SOX5: variants seen among roughly 807,000 people sequenced by gnomAD.
SOX5 encodes the protein transcription factor SOX-5.
A neutral mutation model predicts 92.0 loss-of-function variants in SOX5; 9 were observed. The observed-to-expected ratio is 0.10, with a 90% CI of 0.06 to 0.17. The LOEUF is 0.17. Among genes scored for constraint, SOX5 ranks in the 10% least tolerant of loss-of-function variants. The pLI is 1.00. For synonymous variants in SOX5, 344 were observed against 336.3 expected (o/e 1.02, Z -0.25); for missense variants, 642 against 944.5 (o/e 0.68, Z 4.20).
intron 2 of SOX5, among the ~76,000 whole-genome samples, chr12:24,309,895 T>C (rs1949001880): frequency 6.6e-6 from 1 of 152,178 alleles, no homozygotes; most frequent in Non-Finnish European, 1.5e-5. Flanking sequence ...GTTCCAGTAG[T>C]TGATTCAGAA....
intron 3 of SOX5, among the ~76,000 whole-genome samples, chr12:23,781,754 A>T (rs1452064940): frequency 6.6e-6 from 1 of 152,028 alleles, no homozygotes; most frequent in African/African-American, 2.4e-5. Context: ...TTTAGAACAC[A>T]ATCAGTCTTT....
intron 3 of SOX5, among the ~76,000 whole-genome samples, chr12:24,275,311 T>C (rs1223507899): frequency 6.6e-6 from 1 of 152,046 alleles, no homozygotes; most frequent in Non-Finnish European, 1.5e-5. Flanking sequence ...AATTTTTCTG[T>C]GTTTGTAATA....
chr12:24,151,724 T>C (rs1207371383), intron 4 of SOX5, among the ~76,000 whole-genome samples: 1 of 152,178 alleles, frequency 6.6e-6, no homozygotes, highest in East Asian at 1.9e-4. Context: ...GTTACTGCTA[T>C]GCCCTCAAGC....
At chr12:23,676,974 T>C (rs763417895) in intron 6 of SOX5, among the ~76,000 whole-genome samples, 3 of 152,218 alleles carry the variant, frequency 2.0e-5, no homozygotes, top group Non-Finnish European at 2.9e-5. Context: ...AAATGCTCAT[T>C]ATTTCTTCAC....
chr12:23,561,548 C>T (rs942400070), intron 11 of SOX5, among the ~76,000 whole-genome samples: 5 of 152,106 alleles, frequency 3.3e-5, no homozygotes, highest in Non-Finnish European at 7.4e-5. Flanking sequence ...TTATTGCCCT[C>T]CGATGTGAAT....
At chr12:24,258,037 G>T (rs1941501641) in intron 3 of SOX5, among the ~76,000 whole-genome samples, 1 of 152,098 alleles carries the variant, frequency 6.6e-6, no homozygotes, top group Non-Finnish European at 1.5e-5. Flanking sequence ...GCTGGGCGCG[G>T]TGGCGGGCAC....
At chr12:24,113,255 TAAAAAAAA>T (rs10717747) in intron 4 of SOX5, among the ~76,000 whole-genome samples, 1 of 118,186 alleles carries the variant, frequency 8.5e-6, no homozygotes, top group Non-Finnish European at 1.7e-5. Context: ...TGTAGAATCA[TAAAAAAAA>T]AAAAAAAAAA....
At chr12:24,341,961 C>T (rs552916837) in intron 2 of SOX5, among the ~76,000 whole-genome samples, 1 of 152,316 alleles carries the variant, frequency 6.6e-6, no homozygotes, top group South Asian at 2.1e-4. Flanking sequence ...TCCATCTTAA[C>T]TAATCCCCAG....
chr12:23,604,638 C>T (rs1452571582), intron 8 of SOX5, 105 bp from the exon 9 acceptor site: 1 of 1,138,058 alleles, frequency 8.8e-7, no homozygotes, highest in African/African-American at 1.5e-5. Context: ...TTCCTATGAG[C>T]ATTTTGTTTA....
intron 3 of SOX5, among the ~76,000 whole-genome samples, chr12:24,250,166 A>G (rs1939747463): frequency 6.6e-6 from 1 of 152,240 alleles, no homozygotes; most frequent in East Asian, 1.9e-4. Context: ...AAGAGTTGCT[A>G]CTACTACAAT....
At chr12:23,958,783 G>C (rs1002250363) in intron 4 of SOX5, among the ~76,000 whole-genome samples, 1 of 150,532 alleles carries the variant, frequency 6.6e-6, no homozygotes, top group Non-Finnish European at 1.5e-5. Context: ...TGAGAATTTA[G>C]AATTAATTTG....
At chr12:24,238,946 G>T (rs1049252665) in intron 3 of SOX5, among the ~76,000 whole-genome samples, 2 of 152,132 alleles carry the variant, frequency 1.3e-5, no homozygotes, top group African/African-American at 4.8e-5. Flanking sequence ...TTTCCCAATT[G>T]TTCATTACCG....
intron 4 of SOX5, among the ~76,000 whole-genome samples, chr12:24,067,863 G>A (rs929281615): frequency 4.6e-5 from 7 of 152,192 alleles, no homozygotes; most frequent in Admixed American, 2.0e-4. Flanking sequence ...CTTCAAGGGA[G>A]GCCAGGTGCG....
intron 4 of SOX5, among the ~76,000 whole-genome samples, chr12:24,037,567 G>A (rs962685841): frequency 2.0e-5 from 3 of 152,118 alleles, no homozygotes; most frequent in African/African-American, 7.2e-5. Context: ...AGTGGGTAAG[G>A]AGACTGGCAA....
intron 4 of SOX5, among the ~76,000 whole-genome samples, chr12:24,106,153 A>G (rs1010302393): frequency 3.3e-5 from 5 of 151,998 alleles, no homozygotes. Context: ...ATGAGAGACT[A>G]TATTTGCAAT....
At chr12:23,890,080 GA>G (rs780244837) in intron 2 of SOX5, among the ~76,000 whole-genome samples, 4 of 152,160 alleles carry the variant, frequency 2.6e-5, no homozygotes, top group African/African-American at 2.4e-5. Flanking sequence ...AGCACATTGG[GA>G]GGGCAAGGCG....
chr12:23,581,893 A>T (rs1057135923), intron 9 of SOX5, among the ~76,000 whole-genome samples: 115 of 149,910 alleles, frequency 7.7e-4, no homozygotes, highest in African/African-American at 1.2e-3. Flanking sequence ...TGATTGAAAA[A>T]ATATATATAT....
At chr12:24,254,211 C>A (rs777098686) in intron 3 of SOX5, among the ~76,000 whole-genome samples, 2 of 151,746 alleles carry the variant, frequency 1.3e-5, no homozygotes, top group African/African-American at 2.4e-5. Context: ...TGGGTCTCAT[C>A]GGGACATAAT....
chr12:24,446,179 G>A (rs888362936), intron 1 of SOX5, among the ~76,000 whole-genome samples: 1 of 152,142 alleles, frequency 6.6e-6, no homozygotes, highest in African/African-American at 2.4e-5. Flanking sequence ...GGTGAGAGCA[G>A]GCAGATAACA....
Sources: gnomAD v4.1 joint callset for allele counts (sites outside exome capture counted in the v4.1 genomes callset) on GRCh38, gnomAD v4.1.1 for gene constraint, MANE v1.5 for transcripts, NCBI Gene and HGNC (gene_info 2026-07-23, HGNC 2026-07-21) for gene names.